The following NCAM2 variants were observed in gnomAD, a reference collection of about 807,000 sequenced individuals.
NCAM2 encodes the protein N-CAM-2.
In NCAM2, 30 loss-of-function variants were observed where a neutral mutation model predicts 98.1. That is an observed-to-expected ratio of 0.31 (90% CI 0.23 to 0.41). The LOEUF is 0.41. Among genes scored for constraint, NCAM2 ranks in the 10% least tolerant of loss-of-function variants. The pLI is 1.00. For synonymous variants in NCAM2, 368 were observed against 342.4 expected, an observed-to-expected ratio of 1.07 and a Z score of -0.83; for missense variants, 867 against 1,005.8, an observed-to-expected ratio of 0.86 and a Z score of 1.87.
intron 8 of NCAM2, among the ~76,000 whole-genome samples, chr21:21,363,729 TA>T (rs2075711118): frequency 6.6e-6 from 1 of 151,900 alleles, no homozygotes; most frequent in Non-Finnish European, 1.5e-5. Flanking sequence ...CTGTTTTAAT[TA>T]TTTTTTTTAC....
rs2072025265 is a variant in NCAM2 at position 21,263,985 on chromosome 21, A to T, written c.56-16593A>T. On this transcript the variant is annotated intron_variant, in intron 1 of 17. Transcript: ENST00000400546. ...ATAAAGCAAATGCAACAAAACCAAAAATAGACAAATGGGATTTAAGTAAGC... is the reference window on the plus strand; with the variant it reads ...ATAAAGCAAATGCAACAAAACCAAATATAGACAAATGGGATTTAAGTAAGC... 2.0e-5 allele frequency among the ~76,000 whole-genome samples: 3 copies of T among 152,120 alleles called. No individual in the cohort carries two copies. The South Asian group carries it at 6.2e-4, about 31-fold the overall frequency.
chr21:21,013,492 T>C (rs562074310), intron 1 of NCAM2, among the ~76,000 whole-genome samples: 11 of 152,236 alleles, frequency 7.2e-5, no homozygotes, highest in African/African-American at 2.4e-4. Context: ...CATAAATTAG[T>C]TCACGAGGGC....
intron 1 of NCAM2, among the ~76,000 whole-genome samples, chr21:21,035,745 G>A (rs1419135946): frequency 1.3e-5 from 2 of 152,118 alleles, no homozygotes; most frequent in African/African-American, 4.8e-5. Context: ...TTTGATAAGA[G>A]TGTTTTCCAT....
rs1044194006 is a variant in NCAM2 at position 21,023,720 on chromosome 21, A to G, written c.55+25102A>G. ...AGTGGATTGTATTTGCCTATAATCT[A>G]ATTTACTCATATATGCATACATGTA... On this transcript the variant is annotated intron_variant, in intron 1 of 17. Transcript: ENST00000400546. Among the ~76,000 whole-genome samples the G allele has an allele frequency of 3.9e-4, 59 of 152,250 alleles. 1 individual carries two copies. Among genetic ancestry groups the G allele is most frequent in the African/African-American group, 1.4e-3 (57 of 41,542 alleles).
chr21:21,527,206 G>C (rs1048490257), intron 16 of NCAM2, among the ~76,000 whole-genome samples: 1 of 151,692 alleles, frequency 6.6e-6, no homozygotes, highest in East Asian at 1.9e-4. Context: ...CCACCTCCCA[G>C]GTTCAAGTGA....
intron 8 of NCAM2, among the ~76,000 whole-genome samples, chr21:21,372,813 A>T (rs529159221): frequency 2.6e-5 from 4 of 151,840 alleles, no homozygotes; most frequent in South Asian, 4.1e-4. Context: ...AAATGCAAAC[A>T]TTTTTACTAA....
At chr21:21,298,397 CAATA>C (rs1601902603) in intron 5 of NCAM2, among the ~76,000 whole-genome samples, 1 of 151,420 alleles carries the variant, frequency 6.6e-6, no homozygotes, top group East Asian at 1.9e-4. Context: ...TTACCCAAAT[CAATA>C]AATATTTACC....
intron 14 of NCAM2, among the ~76,000 whole-genome samples, chr21:21,475,251 A>T (rs957285974): frequency 6.6e-6 from 1 of 152,148 alleles, no homozygotes; most frequent in African/African-American, 2.4e-5. Context: ...TATTTCCAGG[A>T]AGGGTGATAT....
rs9983936 is a variant in NCAM2 at position 21,017,195 on chromosome 21, G to T, written c.55+18577G>T. Among the ~76,000 whole-genome samples, 6 of 131,578 alleles carry T rather than the reference G, an allele frequency of 4.6e-5. No homozygotes were observed. The South Asian group carries it at 1.4e-3, about 31-fold the overall frequency. 86.3% of individuals were successfully genotyped at this position (131,578 alleles called of 152,430 possible). A position where few individuals can be genotyped will look rare whatever the true frequency, so the allele number is the denominator to read the frequency against. ...AATCCCAGCACTTTGGGAAGCCGAG[G>T]TGGGCATATCACTAGGTTAGAGAGA... On this transcript the variant is annotated intron_variant, in intron 1 of 17. Transcript: ENST00000400546.
chr21:21,247,472 ACT>A (rs2071320877), intron 1 of NCAM2, among the ~76,000 whole-genome samples: 1 of 152,240 alleles, frequency 6.6e-6, no homozygotes, highest in Non-Finnish European at 1.5e-5. Context: ...TCTGCATTTC[ACT>A]AATTATGCTT....
intron 12 of NCAM2, among the ~76,000 whole-genome samples, chr21:21,453,036 A>G (rs1252124001): frequency 1.2e-5 from 1 of 84,352 alleles, no homozygotes; most frequent in African/African-American, 4.5e-5. Flanking sequence ...ATATAAAAAT[A>G]ATATATACAT....
Position 21,458,368 on chromosome 21 carries a change from T to C in NCAM2, c.1655-8238T>C, listed in dbSNP as rs548183232. On this transcript the variant is annotated intron_variant, in intron 12 of 17. Transcript: ENST00000400546. ...CGTGGATTTCAGAGGAAGGGCCTCT[T>C]AGCAGAGCTGCAGGCTCAGGTCCCT... 7.9e-5 allele frequency among the ~76,000 whole-genome samples: 12 copies of C among 152,324 alleles called. 1 individual carries two copies. In the South Asian group the frequency reaches 2.5e-3, roughly 32 times the overall value.
chr21:21,334,323 T>C (rs1017088591), intron 6 of NCAM2, among the ~76,000 whole-genome samples: 1 of 152,166 alleles, frequency 6.6e-6, no homozygotes, highest in Non-Finnish European at 1.5e-5. Flanking sequence ...AGAGATGTCA[T>C]GAGAAACTGG....
intron 1 of NCAM2, among the ~76,000 whole-genome samples, chr21:21,258,942 G>A (rs1292304295): frequency 1.3e-5 from 2 of 152,100 alleles, no homozygotes; most frequent in Non-Finnish European, 2.9e-5. Context: ...AAGGAAACAC[G>A]GACGTGGCAC....
intron 1 of NCAM2, among the ~76,000 whole-genome samples, chr21:21,068,102 A>G (rs1208593959): frequency 6.6e-6 from 1 of 151,452 alleles, no homozygotes; most frequent in Non-Finnish European, 1.5e-5. Flanking sequence ...AAGACTAATT[A>G]ATTATGTACT....
At chr21:21,035,139 A>G (rs1038316987) in intron 1 of NCAM2, among the ~76,000 whole-genome samples, 3 of 152,188 alleles carry the variant, frequency 2.0e-5, no homozygotes, top group African/African-American at 7.2e-5. Context: ...TGTATAAACA[A>G]GGGACCAGGT....
intron 5 of NCAM2, among the ~76,000 whole-genome samples, chr21:21,303,417 T>G (rs986608455): frequency 2.0e-5 from 3 of 152,050 alleles, no homozygotes; most frequent in Non-Finnish European, 2.9e-5. Flanking sequence ...TCAAAAATTA[T>G]TTTGAGATTC....
Position 21,373,872 on chromosome 21 carries a change from G to A in NCAM2, c.1054G>A (p.Gly352Ser), listed in dbSNP as rs776715131. 24 of 1,605,756 alleles carry A rather than the reference G, an allele frequency of 1.5e-5. No individual in the cohort carries two copies. Among genetic ancestry groups the A allele is most frequent in the South Asian group, 8.9e-5 (8 of 90,230 alleles). The change falls in exon 9 of 18, where the codon GGC (glycine) becomes AGC (serine). Residue 352 changes from glycine (G) to serine (S), a missense_variant. This residue lies in a region of NCAM2 where 447 missense variants were observed against 495.7 expected (regional missense o/e 0.90). Transcript: ENST00000400546. ...GAATCGATGTAAACAGAGCCTGGAC[G>A]GCCGTATCGAAGTCAAAGGGCAGCA... ...TFTEGDKSLD[G>S]RIEVKGQHGS... is the part of the protein sequence containing the mutation.
chr21:21,368,569 T>A (rs2075840557), intron 8 of NCAM2, among the ~76,000 whole-genome samples: 1 of 151,884 alleles, frequency 6.6e-6, no homozygotes, highest in South Asian at 2.1e-4. Flanking sequence ...GCAGGATGGA[T>A]TTGAGGTGTG....
Sources: gnomAD v4.1 joint callset for allele counts (sites outside exome capture counted in the v4.1 genomes callset) on GRCh38, gnomAD v4.1.1 for gene constraint, gnomAD v4.1.1 regional missense constraint, MANE v1.5 for transcripts, NCBI Gene and HGNC (gene_info 2026-07-23, HGNC 2026-07-21) for gene names.